Variants in TMC1 observed in about 807,000 individuals in gnomAD.
TMC1 encodes transmembrane channel-like protein 1.
In TMC1, 84 loss-of-function variants were observed where a neutral mutation model predicts 105.8. The ratio of observed to expected loss-of-function variants is 0.79; its 90% confidence interval spans 0.67 to 0.95. The LOEUF is 0.95. Ranked by LOEUF, TMC1 falls within the 40% of genes least tolerant of loss-of-function variation. TMC1 has a pLI of 0.00. For missense variants in TMC1, 817 were observed against 914.1 expected (o/e 0.89, Z 1.37); for synonymous variants, 315 against 311.5 (o/e 1.01, Z -0.12).
intron 23 of TMC1, among the ~76,000 whole-genome samples, chr9:72,832,361 G>C (rs1170779496): frequency 6.6e-6 from 1 of 152,192 alleles, no homozygotes; most frequent in Non-Finnish European, 1.5e-5. Flanking sequence ...TATGGCAGCA[G>C]GAATGGATGC....
At chr9:72,830,590 C>T (rs746047966) in intron 22 of TMC1, 41 bp from the exon 23 acceptor site, 17 of 1,607,816 alleles carry the variant, frequency 1.1e-5, no homozygotes, top group Admixed American at 1.7e-5. Flanking sequence ...GTAGAAAACA[C>T]TGAGAAATCT....
intron 2 of TMC1, chr9:72,607,936 C>T (rs1824953335): frequency 6.6e-6 from 1 of 152,138 alleles, no homozygotes; most frequent in Non-Finnish European, 1.5e-5. Context: ...GTAATGAAAT[C>T]ATTTTAACAT....
At chr9:72,629,302 A>C (rs1374692257) in intron 4 of TMC1, among the ~76,000 whole-genome samples, 2 of 152,206 alleles carry the variant, frequency 1.3e-5, no homozygotes, top group East Asian at 3.9e-4. Flanking sequence ...AACTGAGAAT[A>C]GCATTCAGTT....
intron 10 of TMC1, among the ~76,000 whole-genome samples, chr9:72,747,933 C>T (rs1827518703): frequency 6.6e-6 from 1 of 152,104 alleles, no homozygotes; most frequent in Non-Finnish European, 1.5e-5. Flanking sequence ...ACTATGGAAG[C>T]AGCATTTATC....
At chr9:72,658,710 G>T (rs1364792469) in intron 5 of TMC1, among the ~76,000 whole-genome samples, 1 of 152,222 alleles carries the variant, frequency 6.6e-6, no homozygotes, top group African/African-American at 2.4e-5. Flanking sequence ...AAGTAAGAGA[G>T]ATTCAGAAAT....
chr9:72,559,699 C>T (rs375279231), intron 1 of TMC1, among the ~76,000 whole-genome samples: 8 of 151,964 alleles, frequency 5.3e-5, no homozygotes, highest in African/African-American at 7.3e-5. Flanking sequence ...TCCAGAAAAA[C>T]GTGGTATCAT....
intron 21 of TMC1, 111 bp from the exon 22 acceptor site, chr9:72,830,339 CT>C: frequency 1.3e-6 from 1 of 789,296 alleles, no homozygotes. Flanking sequence ...TAGAAGATAG[CT>C]TAATGTTCAT....
At chr9:72,789,087 G>A (rs758370319) in intron 14 of TMC1, 36 bp from the exon 15 acceptor site, 11 of 1,589,572 alleles carry the variant, frequency 6.9e-6, no homozygotes, top group Non-Finnish European at 9.5e-6. Context: ...ATTCTATTTT[G>A]GGTTTTTGTT....
chr9:72,697,728 G>A (rs1564497729), intron 7 of TMC1, among the ~76,000 whole-genome samples: 1 of 152,048 alleles, frequency 6.6e-6, no homozygotes, highest in African/African-American at 2.4e-5. Flanking sequence ...AAGTTCAGTA[G>A]TGTAAAGCTT....
intron 8 of TMC1, among the ~76,000 whole-genome samples, chr9:72,725,840 G>A (rs1055245102): frequency 2.6e-4 from 39 of 152,054 alleles, no homozygotes; most frequent in African/African-American, 7.5e-4. Context: ...ACAGGTGGCC[G>A]CCACCATGCC....
intron 10 of TMC1, among the ~76,000 whole-genome samples, chr9:72,750,103 A>T (rs983672835): frequency 6.6e-6 from 1 of 152,112 alleles, no homozygotes. Flanking sequence ...GCAAAACTCC[A>T]TCTCAAAACA....
chr9:72,640,046 AT>A (rs1050567976), intron 4 of TMC1, among the ~76,000 whole-genome samples: 14 of 150,306 alleles, frequency 9.3e-5, no homozygotes, highest in South Asian at 4.2e-4. Flanking sequence ...TGCCAATCCA[AT>A]TTTTTTTTTA....
At chr9:72,547,402 G>C (rs1411849266) in intron 1 of TMC1, among the ~76,000 whole-genome samples, 1 of 151,960 alleles carries the variant, frequency 6.6e-6, no homozygotes, top group Non-Finnish European at 1.5e-5. Context: ...GGAGTTTGGA[G>C]ATTGATTTGC....
chr9:72,800,759 T>C (rs150508641), intron 17 of TMC1, among the ~76,000 whole-genome samples: 7 of 151,954 alleles, frequency 4.6e-5, no homozygotes, highest in Middle Eastern at 3.4e-3. Flanking sequence ...CAAGGAAGCA[T>C]TAAGCTCTAG....
chr9:72,736,013 ATC>A (rs984948194), intron 8 of TMC1, among the ~76,000 whole-genome samples: 1 of 152,140 alleles, frequency 6.6e-6, no homozygotes, highest in Non-Finnish European at 1.5e-5. Context: ...GCTGGCAGGG[ATC>A]TCTCAGAGAA....
chr9:72,740,050 C>A, intron 8 of TMC1, 69 bp from the exon 9 acceptor site: 1 of 1,202,114 alleles, frequency 8.3e-7, no homozygotes, highest in Non-Finnish European at 1.2e-6. Flanking sequence ...TTCAAATGTC[C>A]ACTACTTCTG....
At chr9:72,534,817 T>A (rs924230629) in intron 1 of TMC1, among the ~76,000 whole-genome samples, 1 of 152,188 alleles carries the variant, frequency 6.6e-6, no homozygotes, top group African/African-American at 2.4e-5. Flanking sequence ...CTGCAAATAC[T>A]GGTTAAGAAA....
intron 5 of TMC1, among the ~76,000 whole-genome samples, chr9:72,658,465 T>C (rs1230088764): frequency 6.6e-6 from 1 of 152,178 alleles, no homozygotes; most frequent in Non-Finnish European, 1.5e-5. Flanking sequence ...TAGAGTTCCA[T>C]AAATCCTAGC....
chr9:72,758,534 A>G (rs1409175092), intron 12 of TMC1, among the ~76,000 whole-genome samples: 1 of 152,218 alleles, frequency 6.6e-6, no homozygotes, highest in Non-Finnish European at 1.5e-5. Context: ...CCTCCACGGC[A>G]GAAGGGAAGA....
Sources: gnomAD v4.1 joint callset for allele counts (sites outside exome capture counted in the v4.1 genomes callset) on GRCh38, gnomAD v4.1.1 for gene constraint, MANE v1.5 for transcripts, NCBI Gene and HGNC (gene_info 2026-07-23, HGNC 2026-07-21) for gene names.